SETD1B: variants seen among roughly 807,000 people sequenced by gnomAD.
The protein encoded by SETD1B is SET domain containing 1B, histone lysine methyltransferase, also known as histone-lysine N-methyltransferase SETD1B.
Under a neutral mutation model 148.0 loss-of-function variants are expected in SETD1B, and 7 were observed. The observed-to-expected ratio is 0.05, with a 90% CI of 0.03 to 0.09. The LOEUF (loss-of-function observed/expected upper bound fraction) is 0.09, where lower values mean the gene tolerates loss of function less well. Ranked by LOEUF, SETD1B falls within the 10% of genes least tolerant of loss-of-function variation. The pLI, the probability that SETD1B is intolerant of heterozygous loss-of-function variation, is 1.00. For synonymous variants in SETD1B, 1,361 were observed against 1,186.5 expected (o/e 1.15, Z -3.02); for missense variants, 2,155 against 2,729.9 (o/e 0.79, Z 4.69).
the SETD1B span, among the ~76,000 whole-genome samples, chr12:121,791,367 A>T: frequency 4.6e-5 from 7 of 152,294 alleles, no homozygotes; most frequent in African/African-American, 1.7e-4. Context: ...AATCTGATTT[A>T]ATCCTCATGA....
intron 11 of SETD1B, among the ~76,000 whole-genome samples, chr12:121,820,219 T>C (rs1327419047): frequency 2.6e-5 from 4 of 152,214 alleles, no homozygotes; most frequent in Non-Finnish European, 5.9e-5. Context: ...CCATGGTCAC[T>C]TGAGTGACAA....
chr12:121,819,309 G>A, intron 10 of SETD1B, 95 bp from the exon 11 acceptor site: 1 of 1,522,070 alleles, frequency 6.6e-7, no homozygotes, highest in Non-Finnish European at 8.8e-7. Flanking sequence ...TGTTCAGCCT[G>A]GGTGCCACCA....
intron 11 of SETD1B, among the ~76,000 whole-genome samples, chr12:121,822,143 T>C (rs189674814): frequency 6.6e-6 from 1 of 152,342 alleles, no homozygotes; most frequent in Non-Finnish European, 1.5e-5. Context: ...AAAAAAATCC[T>C]TGAAGGCTCC....
chr12:121,810,741 G>GC lies in SETD1B; in HGVS notation c.1802dup (p.Asp602GlyfsTer11). 1.9e-6 allele frequency: 3 copies of GC among 1,551,012 alleles called. No individual in the cohort carries two copies. The stretch of plus-strand genomic sequence containing the variant: ...GGGCCTCGGCCTCCACCTGAGCCAG[G>GC]CCCCCCGGACCCTGCTGGGCTTCTG... On this transcript the variant is annotated frameshift_variant, in exon 6 of 17. Transcript: ENST00000604567. LOFTEE classifies it high-confidence loss of function. The surrounding 1 kb of genome is among the most constrained non-coding windows in gnomAD (Gnocchi z 7.6).
At chr12:121,819,930 G>A (rs1293638366) in intron 11 of SETD1B, 35 bp downstream of exon 11, 5 of 1,520,870 alleles carry the variant, frequency 3.3e-6, no homozygotes, top group Non-Finnish European at 2.7e-6. Flanking sequence ...GGTGGTGGGA[G>A]GGAGGCAGGA....
At chr12:121,791,492 C>T in the SETD1B span, among the ~76,000 whole-genome samples, 2 of 152,200 alleles carry the variant, frequency 1.3e-5, no homozygotes, top group Admixed American at 6.5e-5. Flanking sequence ...ATGGCAGGAA[C>T]AGGATGGGAC....
upstream of SETD1B, chr12:121,801,064 T>G (rs1285819686): frequency 6.6e-6 from 1 of 151,804 alleles, no homozygotes; most frequent in African/African-American, 2.4e-5. Flanking sequence ...GGACAGCAGC[T>G]CCGGGCTGCG....
In SETD1B at chr12:121,810,848, C is replaced by G; in HGVS notation, c.1890+13C>G. 1 of 1,478,842 alleles carries G rather than the reference C, an allele frequency of 6.8e-7. No individual in the cohort carries two copies. The highest frequency in any genetic ancestry group is 9.0e-7 in the Non-Finnish European group (1 of 1,108,516). The allele number at this position is 1,478,842 out of a possible 1,614,324, so 91.6% of individuals were successfully genotyped here. On this transcript the variant is annotated intron_variant, in intron 6 of 16. Coordinates refer to ENST00000604567, the MANE Select transcript of SETD1B (RefSeq NM_001353345.2). The surrounding 1 kb of genome is among the most constrained non-coding windows in gnomAD (Gnocchi z 7.6). The stretch of plus-strand genomic sequence containing the variant: ...GAAGATGGATGAGGTACCACCGTGT[C>G]TGTCCATCTGTCTGGGACTGGTTTT...
chr12:121,809,976 C>T lies in SETD1B; in HGVS notation c.1031C>T (p.Ala344Val). ...GTCACTGCGGTGGCCGGGGCCACAG[C>T]CGCTTTCCGGGGTTCCTCGGACCTC... Reference protein sequence around the residue: ...PAVTAVAGATAAFRGSSDLPF... With the variant: ...PAVTAVAGATVAFRGSSDLPF... The change falls in exon 6 of 17, where the codon GCC becomes GTC. Residue 344 changes from alanine to valine, a missense_variant. Physicochemically the swap from Ala to Val is moderately conservative, Grantham distance 64 (BLOSUM62 0). This residue lies in a region of SETD1B where 376 missense variants were observed against 385.0 expected (regional missense o/e 0.98). Coordinates refer to ENST00000604567, the MANE Select transcript of SETD1B (RefSeq NM_001353345.2). The T allele has an allele frequency of 6.4e-7, 1 of 1,550,942 alleles. No individual in the cohort carries two copies. The highest frequency in any genetic ancestry group is 8.7e-7 in the Non-Finnish European group (1 of 1,146,968).
chr12:121,815,397 T>TG (rs1264198503), intron 7 of SETD1B, among the ~76,000 whole-genome samples: 1 of 63,140 alleles, frequency 1.6e-5, no homozygotes, highest in Non-Finnish European at 4.3e-5. Context: ...TGGTGCAGAC[T>TG]GCCCCCCCCG....
rs1439521652 is a variant in SETD1B, at chr12:121,808,151, TG to T, written c.545-52del. ...GGTGCCACACAGGTTGGAATCCTTG[TG>T]GGGGCTGCCCCATCCTGGAACCTCA... On this transcript the variant is annotated intron_variant, in intron 4 of 16. Coordinates refer to ENST00000604567, the MANE Select transcript of SETD1B (RefSeq NM_001353345.2). The surrounding 1 kb of genome is among the most constrained non-coding windows in gnomAD (Gnocchi z 5.3). 7.2e-7 allele frequency: 1 copy of T among 1,385,324 alleles called. No individual in the cohort carries two copies. Among genetic ancestry groups the T allele is most frequent in the Non-Finnish European group, 1.0e-6 (1 of 1,003,246 alleles). 85.8% of individuals were successfully genotyped at this position (1,385,324 alleles called of 1,614,324 possible).
At chr12:121,793,091 G>T in the SETD1B span, 1 of 1,426,614 alleles carries the variant, frequency 7.0e-7, no homozygotes, top group Non-Finnish European at 9.6e-7. Context: ...GGGGACGCCC[G>T]GGAGGGGAAA....
At chr12:121,807,498 CAG>C (rs1449706783) in intron 4 of SETD1B, among the ~76,000 whole-genome samples, 1 of 151,486 alleles carries the variant, frequency 6.6e-6, no homozygotes, top group African/African-American at 2.4e-5. Flanking sequence ...CAAAAGCCCT[CAG>C]AGACTGCCAA....
intron 6 of SETD1B, among the ~76,000 whole-genome samples, chr12:121,811,209 C>CTGTT (rs1437572728): frequency 6.6e-6 from 1 of 152,160 alleles, no homozygotes; most frequent in East Asian, 1.9e-4. Flanking sequence ...GTCCCCTTGT[C>CTGTT]TGTTGCGTGG....
At chr12:121,801,402 G>T (rs936921259), upstream of SETD1B, 1 of 152,260 alleles carries the variant, frequency 6.6e-6, no homozygotes, top group Admixed American at 6.5e-5. Flanking sequence ...ACAGGGGTCC[G>T]AAGAGCCCTT....
chr12:121,820,983 G>A (rs770999793), intron 11 of SETD1B, among the ~76,000 whole-genome samples: 2 of 152,228 alleles, frequency 1.3e-5, no homozygotes, highest in Non-Finnish European at 2.9e-5. Flanking sequence ...TATGGAGGGC[G>A]ATCGCCTATA....
chr12:121,813,525 C>T (rs1409834224), intron 6 of SETD1B, among the ~76,000 whole-genome samples: 3 of 152,104 alleles, frequency 2.0e-5, no homozygotes, highest in Non-Finnish European at 4.4e-5. Context: ...TCTCTGTGCC[C>T]CAGTTTCCTC....
rs149378449 is a variant in SETD1B, at chr12:121,826,590, G to A, written c.5338-929G>A. 8.9e-3 allele frequency among the ~76,000 whole-genome samples: 1,357 copies of A among 152,072 alleles called. 15 individuals are homozygous for A. Among genetic ancestry groups the A allele is most frequent in the Non-Finnish European group, 0.013 (874 of 67,968 alleles). On this transcript the variant is annotated intron_variant, in intron 13 of 16. Transcript: ENST00000604567. ...GGCCACCAGGGTCGGGGGTACTGTG[G>A]TGGTAAGTGACCTGTCTCCTGGGGT...
In SETD1B at chr12:121,809,948, G is replaced by A. The variant is rs1259569393; in HGVS notation, c.1003G>A (p.Ala335Thr). The change falls in exon 6 of 17, where the codon GCG becomes ACG. Residue 335 changes from alanine to threonine, a missense_variant. Ala to Thr is a moderately conservative substitution (Grantham distance 58). Coordinates refer to ENST00000604567, the MANE Select transcript of SETD1B (RefSeq NM_001353345.2). ...ACATCATTATGTACACAATTCTCCC[G>A]CGGTCACTGCGGTGGCCGGGGCCAC... ...HEHHYVHNSP[A>T]VTAVAGATAA... 8.4e-6 allele frequency: 13 copies of A among 1,550,782 alleles called. No homozygotes were observed. The highest frequency in any genetic ancestry group is 7.8e-5 in the Admixed American group (4 of 50,970).
Sources: allele counts gnomAD v4.1 joint callset (sites outside exome capture counted in the v4.1 genomes callset), GRCh38; gene constraint gnomAD v4.1.1; regional missense constraint gnomAD v4.1.1; non-coding constraint Gnocchi (gnomAD v3.1); transcripts MANE v1.5; gene names NCBI Gene and HGNC (gene_info 2026-07-23, HGNC 2026-07-21).